Variants in VWA8 observed in about 807,000 individuals in gnomAD.
The protein encoded by VWA8 is von Willebrand factor A domain containing 8, also known as von Willebrand factor A domain-containing protein 8.
In VWA8, 221 loss-of-function variants were observed where a neutral mutation model predicts 241.5. That is an observed-to-expected ratio of 0.91 (90% CI 0.82 to 1.02). The LOEUF (loss-of-function observed/expected upper bound fraction) is 1.02. Among genes scored for constraint, VWA8 ranks in the 50% least tolerant of loss-of-function variants. The probability of loss-of-function intolerance (pLI) is 0.00; values close to 1 mark genes in which losing one functional copy is unlikely to be tolerated. For synonymous variants in VWA8, 852 were observed against 827.1 expected (o/e 1.03, Z -0.52); for missense variants, 2,322 against 2,328.7 (o/e 1.00, Z 0.06).
intron 36 of VWA8, among the ~76,000 whole-genome samples, chr13:41,672,243 G>C (rs951537048): frequency 6.6e-6 from 1 of 152,082 alleles, no homozygotes; most frequent in African/African-American, 2.4e-5. Context: ...GGAATGTATA[G>C]ATTTCTTACA....
intron 14 of VWA8, among the ~76,000 whole-genome samples, chr13:41,824,996 G>A (rs758412142): frequency 9.9e-5 from 15 of 152,060 alleles, no homozygotes; most frequent in Middle Eastern, 3.4e-3. Context: ...GAAAACCCTG[G>A]GAGCTACCAA....
chr13:41,911,632 A>G (rs568228700), intron 3 of VWA8, among the ~76,000 whole-genome samples: 1 of 152,218 alleles, frequency 6.6e-6, no homozygotes, highest in Non-Finnish European at 1.5e-5. Context: ...TCCTTTAAAG[A>G]CTGCATAACT....
chr13:41,764,400 G>A (rs1025299854), intron 20 of VWA8, among the ~76,000 whole-genome samples: 1 of 151,840 alleles, frequency 6.6e-6, no homozygotes, highest in Non-Finnish European at 1.5e-5. Flanking sequence ...TAATATTACA[G>A]CACTGTACTA....
intron 12 of VWA8, among the ~76,000 whole-genome samples, chr13:41,852,435 G>C (rs1447739618): frequency 1.3e-5 from 2 of 152,022 alleles, no homozygotes; most frequent in Non-Finnish European, 2.9e-5. Context: ...AGCTTTTTAA[G>C]TTTGATGCAT....
At chr13:41,824,311 C>A (rs535368329) in intron 14 of VWA8, among the ~76,000 whole-genome samples, 53 of 152,262 alleles carry the variant, frequency 3.5e-4, no homozygotes, top group Non-Finnish European at 1.3e-4. Context: ...CACTGAAGGA[C>A]TTAAACAGTG....
At chr13:41,680,394 T>C (rs1403003667) in intron 35 of VWA8, among the ~76,000 whole-genome samples, 1 of 152,190 alleles carries the variant, frequency 6.6e-6, no homozygotes, top group Non-Finnish European at 1.5e-5. Context: ...ACCATGCTCA[T>C]AGGGATTTTC....
At chr13:41,931,721 A>C (rs1260581379) in intron 2 of VWA8, among the ~76,000 whole-genome samples, 1 of 152,100 alleles carries the variant, frequency 6.6e-6, no homozygotes, top group Admixed American at 6.6e-5. Flanking sequence ...AAACTAACAC[A>C]TGGGCAAAGA....
At chr13:41,654,427 C>T (rs564922568) in intron 37 of VWA8, among the ~76,000 whole-genome samples, 29 of 152,278 alleles carry the variant, frequency 1.9e-4, no homozygotes, top group African/African-American at 3.6e-4. Context: ...GACCTGGTTT[C>T]GTGGAACAAT....
chr13:41,748,889 C>T (rs1207485100), intron 21 of VWA8, among the ~76,000 whole-genome samples: 1 of 152,100 alleles, frequency 6.6e-6, no homozygotes, highest in East Asian at 1.9e-4. Flanking sequence ...AATGTTAGAC[C>T]TAAAACCATA....
intron 43 of VWA8, among the ~76,000 whole-genome samples, chr13:41,573,126 AAG>A (rs2044321136): frequency 1.3e-5 from 2 of 150,542 alleles, no homozygotes; most frequent in African/African-American, 4.9e-5. Context: ...AAAAAAAAAA[AAG>A]AAACAAGCCA....
chr13:41,612,047 A>T lies in VWA8; in HGVS notation c.4721-315T>A, dbSNP rs974395882. Among the ~76,000 whole-genome samples the T allele has an allele frequency of 3.9e-5, 6 of 152,138 alleles. 1 individual carries two copies. ...CCTTTCATATTTATTTTTCTCACCA[A>T]CTATATGATGGATGAGATATTTTAT... On this transcript the variant is annotated intron_variant, in intron 38 of 44. Coordinates refer to ENST00000379310, the MANE Select transcript of VWA8 (RefSeq NM_015058.2).
In VWA8 at chr13:41,614,822, G is replaced by A. The variant is rs1225371618; in HGVS notation, c.4720+154C>T. On this transcript the variant is annotated intron_variant, in intron 38 of 44. Transcript: ENST00000379310. ...GGCTCTTCACATGCCTTGATGTCAC[G>A]CTGGGGCAGAGGGCAAGACAACAAT... Among the ~76,000 whole-genome samples the A allele has an allele frequency of 3.9e-5, 6 of 152,112 alleles. No individual in the cohort carries two copies. The South Asian group carries it at 6.2e-4, about 16-fold the overall frequency.
At chr13:41,884,448 A>C (rs1874414618) in intron 8 of VWA8, among the ~76,000 whole-genome samples, 1 of 152,160 alleles carries the variant, frequency 6.6e-6, no homozygotes, top group Non-Finnish European at 1.5e-5. Context: ...CAGAACTGTG[A>C]GTCAATTAAA....
chr13:41,883,481 GGAAAGGAATCCTATGT>G lies in VWA8; in HGVS notation c.976-6_985del. On this transcript the variant is annotated splice_acceptor_variant and splice_polypyrimidine_tract_variant and coding_sequence_variant and intron_variant, in exon 9 of 45. Coordinates refer to ENST00000379310, the MANE Select transcript of VWA8 (RefSeq NM_015058.2). LOFTEE classifies it high-confidence loss of function. ...GATTGCATGTTTGATTGGCATCATA[GGAAAGGAATCCTATGT>G]AGGAGCAAAAATACATAGGAATGAG... is the stretch of plus-strand genomic sequence containing the variant. 1.2e-6 allele frequency: 2 copies of G among 1,612,704 alleles called. No individual in the cohort carries two copies. Among genetic ancestry groups the G allele is most frequent in the South Asian group, 2.2e-5 (2 of 91,036 alleles).
chr13:41,568,723 C>G (rs1478209797), intron 44 of VWA8, among the ~76,000 whole-genome samples: 1 of 152,164 alleles, frequency 6.6e-6, no homozygotes, highest in Non-Finnish European at 1.5e-5. Context: ...CCTTAGAAAA[C>G]AGGCCTCTAA....
At chr13:41,588,935 A>G (rs934709854) in intron 41 of VWA8, among the ~76,000 whole-genome samples, 1 of 152,254 alleles carries the variant, frequency 6.6e-6, no homozygotes, top group African/African-American at 2.4e-5. Context: ...TGCTTCCATG[A>G]CTACTCACAA....
In VWA8 at chr13:41,567,109, A is replaced by G. The variant is rs2044266361; in HGVS notation, c.*1088T>C. On this transcript the variant is annotated 3_prime_UTR_variant, in exon 45 of 45. Coordinates refer to ENST00000379310, the MANE Select transcript of VWA8 (RefSeq NM_015058.2). ...GTTTTTAAATTATATGGTTAAAGAG[A>G]GAATGACTTTTGCTGAAGCATCTTA... 6.6e-6 allele frequency: 1 copy of G among 152,200 alleles called. No individual in the cohort carries two copies. The highest frequency in any genetic ancestry group is 1.5e-5 in the Non-Finnish European group (1 of 68,024). 9.4% of individuals were successfully genotyped at this position (152,200 alleles called of 1,614,324 possible).
At position 41,948,630 on chromosome 13, in the gene VWA8, C is replaced by T. The variant is rs540512810; in HGVS notation, c.241+1306G>A. 3.9e-4 allele frequency among the ~76,000 whole-genome samples: 60 copies of T among 152,206 alleles called. No individual in the cohort carries two copies. In the South Asian group the frequency reaches 9.3e-3, roughly 24 times the overall value. On this transcript the variant is annotated intron_variant, in intron 2 of 44. Transcript: ENST00000379310. ...TGACAAGGATGTAGAACATCACTGT[C>T]GGTCAAAGGTAAAATGGTACAACTG...
At chr13:41,904,554 G>A (rs763506335) in intron 4 of VWA8, among the ~76,000 whole-genome samples, 3 of 152,078 alleles carry the variant, frequency 2.0e-5, no homozygotes, top group Non-Finnish European at 2.9e-5. Flanking sequence ...TGGGGGTGGT[G>A]TGGGGTTTAC....
Sources: allele counts gnomAD v4.1 joint callset (sites outside exome capture counted in the v4.1 genomes callset), GRCh38; gene constraint gnomAD v4.1.1; transcripts MANE v1.5; gene names NCBI Gene and HGNC (gene_info 2026-07-23, HGNC 2026-07-21).